SHANK2: variants seen among roughly 807,000 people sequenced by gnomAD.
SHANK2 encodes SH3 and multiple ankyrin repeat domains protein 2.
Under a neutral mutation model 133.7 loss-of-function variants are expected in SHANK2, and 43 were observed. That is an observed-to-expected ratio of 0.32 (90% CI 0.25 to 0.41). The LOEUF is 0.41. Ranked by LOEUF, SHANK2 falls within the 10% of genes least tolerant of loss-of-function variation. SHANK2 has a pLI of 1.00. For synonymous variants in SHANK2, 1,017 were observed against 952.8 expected (o/e 1.07, Z -1.24); for missense variants, 1,994 against 2,235.8 (o/e 0.89, Z 2.18).
intron 9 of SHANK2, among the ~76,000 whole-genome samples, chr11:71,057,975 G>A (rs1041189983): frequency 5.3e-4 from 76 of 144,362 alleles, no homozygotes; most frequent in African/African-American, 1.8e-3. Context: ...GTGCAGCGGT[G>A]CGATCACAGC....
At chr11:71,094,100 C>A (rs1555094777) in intron 7 of SHANK2, among the ~76,000 whole-genome samples, 1 of 151,986 alleles carries the variant, frequency 6.6e-6, no homozygotes, top group Non-Finnish European at 1.5e-5. Flanking sequence ...AATCTCAATT[C>A]GAATTGTAAC....
intron 17 of SHANK2, among the ~76,000 whole-genome samples, chr11:70,531,649 C>T (rs907282254): frequency 6.6e-6 from 1 of 152,182 alleles, no homozygotes; most frequent in Non-Finnish European, 1.5e-5. Flanking sequence ...CATTTTGCTG[C>T]GCCTCTGCGT....
chr11:70,638,247 A>G (rs2061131886), intron 17 of SHANK2, among the ~76,000 whole-genome samples: 1 of 152,262 alleles, frequency 6.6e-6, no homozygotes, highest in Non-Finnish European at 1.5e-5. Context: ...GCCGGCTTGA[A>G]GAATGTGCTG....
At chr11:70,847,844 C>T (rs1260902948) in intron 11 of SHANK2, among the ~76,000 whole-genome samples, 1 of 152,230 alleles carries the variant, frequency 6.6e-6, no homozygotes, top group South Asian at 2.1e-4. Context: ...CCCAGCAAGG[C>T]CTGGACCAAA....
intron 15 of SHANK2, chr11:70,668,618 A>C (rs1284628806): frequency 6.6e-6 from 1 of 152,370 alleles, no homozygotes; most frequent in Non-Finnish European, 1.5e-5. Flanking sequence ...GATAAACATC[A>C]ATCCACAGTC....
intron 2 of SHANK2, among the ~76,000 whole-genome samples, chr11:71,187,997 G>T (rs1013580195): frequency 6.6e-6 from 1 of 152,162 alleles, no homozygotes; most frequent in Non-Finnish European, 1.5e-5. Flanking sequence ...CTTCATCTCT[G>T]ATCCAGAGGC....
At chr11:70,860,742 C>T (rs186077036) in intron 11 of SHANK2, among the ~76,000 whole-genome samples, 11 of 152,272 alleles carry the variant, frequency 7.2e-5, no homozygotes, top group African/African-American at 1.7e-4. Context: ...GGGCCTGGCG[C>T]GATGGCTCAT....
intron 15 of SHANK2, among the ~76,000 whole-genome samples, chr11:70,687,760 T>TG (rs1945187818): frequency 6.6e-6 from 1 of 152,222 alleles, no homozygotes; most frequent in African/African-American, 2.4e-5. Flanking sequence ...TCCTGAGCTC[T>TG]GGGGGCCCCT....
intron 15 of SHANK2, among the ~76,000 whole-genome samples, chr11:70,681,042 G>T (rs868981463): frequency 2.2e-4 from 33 of 152,312 alleles, no homozygotes; most frequent in Admixed American, 1.6e-3. Flanking sequence ...CTGGGGTGCT[G>T]GTGGCCCAGC....
chr11:70,594,893 T>C (rs1261548427), intron 17 of SHANK2, among the ~76,000 whole-genome samples: 1 of 152,144 alleles, frequency 6.6e-6, no homozygotes, highest in Non-Finnish European at 1.5e-5. Flanking sequence ...TGCATGCACC[T>C]TCAGGGACCC....
chr11:70,767,474 G>C (rs1555041664), intron 14 of SHANK2, among the ~76,000 whole-genome samples: 1 of 152,142 alleles, frequency 6.6e-6, no homozygotes, highest in Non-Finnish European at 1.5e-5. Flanking sequence ...CTCAACAGAT[G>C]AGCACATAAC....
chr11:71,069,032 GACC>G lies in SHANK2; in HGVS notation c.1029+6124_1029+6126del, dbSNP rs1207125123. On this transcript the variant is annotated intron_variant, in intron 9 of 25. Transcript: ENST00000601538. Reference sequence around the variant, plus strand: ...CCATCATCACCATCACTGTCGCCATGACCACCATCATCACCATCACCATGATTA... The same window carrying G: ...CCATCATCACCATCACTGTCGCCATGACCATCATCACCATCACCATGATTA... 1.1e-4 allele frequency among the ~76,000 whole-genome samples: 13 copies of G among 119,962 alleles called. No homozygotes were observed. The South Asian group carries it at 1.3e-3, about 12-fold the overall frequency. 78.7% of individuals were successfully genotyped at this position (119,962 alleles called of 152,430 possible).
rs1234254678 is a variant in SHANK2 at position 70,865,810 on chromosome 11, T to TA, written c.1174+30690dup. ...TTCATTCATTCATTCACTCACTCAC[T>TA]AATTCCTTCACTCACCCTGCAGAAA... is the stretch of plus-strand genomic sequence containing the variant. On this transcript the variant is annotated intron_variant, in intron 11 of 25. Coordinates refer to ENST00000601538, the MANE Select transcript of SHANK2 (RefSeq NM_012309.5). Among the ~76,000 whole-genome samples the TA allele has an allele frequency of 1.2e-4, 19 of 152,350 alleles. No homozygotes were observed. In the South Asian group the frequency reaches 3.3e-3, roughly 27 times the overall value.
chr11:71,217,464 A>G (rs1591030109), intron 2 of SHANK2, among the ~76,000 whole-genome samples: 1 of 151,982 alleles, frequency 6.6e-6, no homozygotes, highest in African/African-American at 2.4e-5. Context: ...AGATCATGCC[A>G]CTGCACTCCA....
At chr11:71,064,956 G>A (rs1468553647) in intron 9 of SHANK2, among the ~76,000 whole-genome samples, 21 of 152,240 alleles carry the variant, frequency 1.4e-4, no homozygotes, top group African/African-American at 3.9e-4. Context: ...TCTAGAAGGC[G>A]CACAAGGACA....
At chr11:70,559,785 T>C (rs2059883212) in intron 17 of SHANK2, among the ~76,000 whole-genome samples, 1 of 152,084 alleles carries the variant, frequency 6.6e-6, no homozygotes, top group Non-Finnish European at 1.5e-5. Flanking sequence ...TGGTAGATGA[T>C]CAGACTCCAA....
intron 17 of SHANK2, among the ~76,000 whole-genome samples, chr11:70,656,999 C>T (rs1384145258): frequency 2.6e-5 from 4 of 152,150 alleles, no homozygotes; most frequent in East Asian, 1.9e-4. Flanking sequence ...ACAAAGTTAA[C>T]GAGGGAAAAT....
At position 71,086,002 on chromosome 11, in the gene SHANK2, ATAT is replaced by A. The variant is rs1269659981; in HGVS notation, c.912+6417_912+6419del. On this transcript the variant is annotated intron_variant, in intron 8 of 25. Transcript: ENST00000601538. ...TATGTTATATATTATATTATGTTATATATTATTATATATAACATATTATATGTT... is the reference window on the plus strand; with the variant it reads ...TATGTTATATATTATATTATGTTATATATTATATATAACATATTATATGTT... Among the ~76,000 whole-genome samples, 95 of 86,628 alleles carry A rather than the reference ATAT, an allele frequency of 1.1e-3. 1 individual carries two copies. Among genetic ancestry groups the A allele is most frequent in the African/African-American group, 4.3e-3 (89 of 20,850 alleles). The allele number at this position is 86,628 out of a possible 152,430, so 56.8% of individuals were successfully genotyped here.
At chr11:70,499,444 G>A (rs782732399) in intron 21 of SHANK2, among the ~76,000 whole-genome samples, 30 of 152,212 alleles carry the variant, frequency 2.0e-4, no homozygotes, top group African/African-American at 6.8e-4. Context: ...AGGCGCCCAC[G>A]GTGGCTCAGC....
Sources: gnomAD v4.1 joint callset for allele counts (sites outside exome capture counted in the v4.1 genomes callset) on GRCh38, gnomAD v4.1.1 for gene constraint, MANE v1.5 for transcripts, NCBI Gene and HGNC (gene_info 2026-07-23, HGNC 2026-07-21) for gene names.